The following SLC7A7 variants were observed in gnomAD, a reference collection of about 807,000 sequenced individuals.
The protein encoded by SLC7A7 is solute carrier family 7 member 7.
A neutral mutation model predicts 47.9 loss-of-function variants in SLC7A7; 39 were observed. The observed-to-expected ratio is 0.81, with a 90% CI of 0.63 to 1.06. The LOEUF is 1.06. Ranked by LOEUF, SLC7A7 falls within the 50% of genes least tolerant of loss-of-function variation. SLC7A7 has a pLI of 0.00. For missense variants in SLC7A7, 588 were observed against 632.0 expected (o/e 0.93, Z 0.75); for synonymous variants, 234 against 242.8 (o/e 0.96, Z 0.34).
intron 4 of SLC7A7, among the ~76,000 whole-genome samples, chr14:22,777,343 A>G (rs1443332409): frequency 6.6e-6 from 1 of 152,150 alleles, no homozygotes; most frequent in Non-Finnish European, 1.5e-5. Flanking sequence ...TATGGAGGCA[A>G]ATTGTGAAAT....
chr14:22,813,686 C>T (rs1427634940), intron 1 of SLC7A7, among the ~76,000 whole-genome samples: 2 of 107,408 alleles, frequency 1.9e-5, no homozygotes, highest in East Asian at 4.2e-4. Context: ...GGTGCAATCT[C>T]GGCTCGGCTC....
intron 2 of SLC7A7, among the ~76,000 whole-genome samples, chr14:22,785,426 T>C (rs941640693): frequency 5.9e-5 from 9 of 151,970 alleles, no homozygotes; most frequent in African/African-American, 1.9e-4. Context: ...TGGCCCTTCT[T>C]AACATTAAAG....
In SLC7A7 at chr14:22,778,928, G is replaced by C. The variant is rs766166357; in HGVS notation, c.635C>G (p.Thr212Ser). ...ACCCTCAAAGGAATTCTCAAAATGA[G>C]TAGAGGCTCCTGGAACCCAAGAACA... ...GIVRLGQGAS[T>S]HFENSFEGSS... The change falls in exon 4 of 10, where the codon ACT (threonine) becomes AGT (serine). Residue 212 changes from threonine (T) to serine (S), a missense_variant. Transcript: ENST00000674313. 1 of 1,614,038 alleles carries C rather than the reference G, an allele frequency of 6.2e-7. No homozygotes were observed. Among genetic ancestry groups the C allele is most frequent in the South Asian group, 1.1e-5 (1 of 91,062 alleles).
chr14:22,774,239 TACTA>T, intron 8 of SLC7A7, 111 bp downstream of exon 8: 1 of 1,592,476 alleles, frequency 6.3e-7, no homozygotes. Context: ...TTCAACACAT[TACTA>T]ACGACCAAGT....
intron 4 of SLC7A7, 142 bp from the exon 5 acceptor site, chr14:22,776,460 C>T (rs576184453): frequency 1.0e-5 from 11 of 1,083,024 alleles, no homozygotes; most frequent in African/African-American, 7.7e-5. Context: ...TTGTCTTTGA[C>T]GGTGCCCTGG....
chr14:22,780,069 C>G lies in SLC7A7; in HGVS notation c.500-18G>C, dbSNP rs948319932. 4 of 1,613,656 alleles carry G rather than the reference C, an allele frequency of 2.5e-6. No individual in the cohort carries two copies. The highest frequency in any genetic ancestry group is 3.4e-6 in the Non-Finnish European group (4 of 1,179,730). On this transcript the variant is annotated intron_variant, in intron 2 of 9. Transcript: ENST00000674313. ...TAAGAGACCTGAAAGAAAAATAATA[C>G]TGATTGGTGACTTACCCTTACCACC...
chr14:22,815,041 A>G (rs2039384263), intron 1 of SLC7A7: 2 of 316,296 alleles, frequency 6.3e-6, no homozygotes, highest in Non-Finnish European at 1.3e-5. Context: ...AAACCTAGGG[A>G]TGATTGGAGG....
intron 2 of SLC7A7, among the ~76,000 whole-genome samples, chr14:22,806,759 T>C (rs1189966612): frequency 6.6e-6 from 1 of 152,212 alleles, no homozygotes; most frequent in East Asian, 1.9e-4. Flanking sequence ...TCCTAAAGCA[T>C]ATGAGGAGCC....
intron 7 of SLC7A7, among the ~76,000 whole-genome samples, chr14:22,775,092 G>GACACACACACAC (rs60658611): frequency 6.6e-6 from 1 of 151,632 alleles, no homozygotes; most frequent in African/African-American, 2.4e-5. Context: ...TGGATTTTAA[G>GACACACACACAC]ACACACACAC....
chr14:22,807,663 C>A (rs1014818389), intron 2 of SLC7A7, among the ~76,000 whole-genome samples: 4 of 152,188 alleles, frequency 2.6e-5, no homozygotes, highest in African/African-American at 9.7e-5. Flanking sequence ...TCTCCTCGCC[C>A]TTCTCCCACC....
chr14:22,783,282 C>G (rs940482220), intron 2 of SLC7A7, among the ~76,000 whole-genome samples: 1 of 151,810 alleles, frequency 6.6e-6, no homozygotes, highest in South Asian at 2.1e-4. Flanking sequence ...AGGCTGGTCT[C>G]GAACTCCTGG....
chr14:22,799,448 CTTTTTTTTTTTTTT>C (rs56375225), intron 2 of SLC7A7, among the ~76,000 whole-genome samples: 5 of 76,186 alleles, frequency 6.6e-5, no homozygotes, highest in Non-Finnish European at 9.2e-5. Context: ...TTTTTTCTTT[CTTTTTTTTTTTTTT>C]TTTTTTTTTT....
chr14:22,774,136 A>C lies in SLC7A7; in HGVS notation c.1246-20T>G. The C allele has an allele frequency of 6.2e-7, 1 of 1,613,032 alleles. No individual in the cohort carries two copies. The highest frequency in any genetic ancestry group is 8.5e-7 in the Non-Finnish European group (1 of 1,179,518). ...GCTGAGCTAAGGGCACAGGAAACATAACTGGAGTGGACAACTCAGGATTCT... is the reference window on the plus strand; with the variant it reads ...GCTGAGCTAAGGGCACAGGAAACATCACTGGAGTGGACAACTCAGGATTCT... On this transcript the variant is annotated intron_variant, in intron 8 of 9. Coordinates refer to ENST00000674313, the MANE Select transcript of SLC7A7 (RefSeq NM_003982.4).
chr14:22,801,453 A>G lies in SLC7A7; in HGVS notation c.499+11447T>C, dbSNP rs190393407. 4.5e-3 allele frequency among the ~76,000 whole-genome samples: 683 copies of G among 152,180 alleles called. 6 individuals are homozygous for G. Among genetic ancestry groups the G allele is most frequent in the African/African-American group, 0.016 (655 of 41,498 alleles). ...CTGGTCTCCTCCTGTGCCTTGTTCT[A>G]CCTTGCAAATCACAACACCATCACA... On this transcript the variant is annotated intron_variant, in intron 2 of 9. Coordinates refer to ENST00000674313, the MANE Select transcript of SLC7A7 (RefSeq NM_003982.4).
chr14:22,809,007 G>A (rs2039257419), intron 2 of SLC7A7, among the ~76,000 whole-genome samples: 1 of 152,130 alleles, frequency 6.6e-6, no homozygotes, highest in South Asian at 2.1e-4. Flanking sequence ...CATAGCTATT[G>A]AGCCCAACCT....
Position 22,774,046 on chromosome 14 carries a change from T to G in SLC7A7, c.1316A>C (p.Asp439Ala), listed in dbSNP as rs751555749. The G allele has an allele frequency of 2.5e-6, 4 of 1,613,944 alleles. No individual in the cohort carries two copies. The highest frequency in any genetic ancestry group is 3.4e-6 in the Non-Finnish European group (4 of 1,180,022). The change falls in exon 9 of 10, where the codon GAT (aspartate) becomes GCT (alanine). Residue 439 changes from aspartate (D) to alanine (A), a missense_variant. Coordinates refer to ENST00000674313, the MANE Select transcript of SLC7A7 (RefSeq NM_003982.4). Reference protein sequence around the residue: ...IFLVAVPLYSDTINSLIGIAI... With the variant: ...IFLVAVPLYSATINSLIGIAI... ...AATGCCGATGAGGGAGTTGATAGTA[T>G]CACTGTAAAGTGGAACAGCCACCAG...
At chr14:22,808,121 A>G (rs974322717) in intron 2 of SLC7A7, among the ~76,000 whole-genome samples, 1 of 151,562 alleles carries the variant, frequency 6.6e-6, no homozygotes, top group Non-Finnish European at 1.5e-5. Flanking sequence ...GCGAGATCAC[A>G]CCACTGCACT....
At chr14:22,803,866 C>T (rs1338517169) in intron 2 of SLC7A7, among the ~76,000 whole-genome samples, 1 of 152,206 alleles carries the variant, frequency 6.6e-6, no homozygotes, top group East Asian at 1.9e-4. Flanking sequence ...CTTCCCACCA[C>T]ACTGTGCGTT....
rs139995571 is a variant in SLC7A7 at position 22,773,916 on chromosome 14, A to C, written c.1429+17T>G. 4 of 1,613,760 alleles carry C rather than the reference A, an allele frequency of 2.5e-6. No individual in the cohort carries two copies. In the East Asian group the frequency reaches 8.9e-5, roughly 36 times the overall value. Reference sequence around the variant, plus strand: ...AGCTCTGCAATAGCTGAGCGGACTTAAGGATGCACGGCTTACCCACGATCC... The same window carrying C: ...AGCTCTGCAATAGCTGAGCGGACTTCAGGATGCACGGCTTACCCACGATCC... On this transcript the variant is annotated intron_variant, in intron 9 of 9. Transcript: ENST00000674313.
Sources: gnomAD v4.1 joint callset for allele counts (sites outside exome capture counted in the v4.1 genomes callset) on GRCh38, gnomAD v4.1.1 for gene constraint, MANE v1.5 for transcripts, NCBI Gene and HGNC (gene_info 2026-07-23, HGNC 2026-07-21) for gene names.